The following REXO1 variants were observed in gnomAD, a reference collection of about 807,000 sequenced individuals.
The protein encoded by REXO1 is REX1, RNA exonuclease 1 homolog.
REXO1 carries 42 observed loss-of-function variants against 102.6 expected under a neutral mutation model. The observed-to-expected ratio is 0.41, with a 90% CI of 0.32 to 0.53. The LOEUF is 0.53. REXO1 is among the 20% of genes least tolerant of loss of function. REXO1 has a pLI of 0.27. For missense variants in REXO1, 1,819 were observed against 1,732.5 expected, an observed-to-expected ratio of 1.05 and a Z score of -0.89; for synonymous variants, 908 against 779.1, an observed-to-expected ratio of 1.17 and a Z score of -2.76.
At chr19:1,816,972 A>AC (rs1412066041) in intron 12 of REXO1, among the ~76,000 whole-genome samples, 159 bp from the exon 13 acceptor site, 4 of 151,840 alleles carry the variant, frequency 2.6e-5, no homozygotes, top group Admixed American at 2.6e-4. Context: ...GACCTCAGTA[A>AC]CCCCCTTTCG....
intron 1 of REXO1, among the ~76,000 whole-genome samples, chr19:1,847,170 C>T (rs2011580714): frequency 6.6e-6 from 1 of 152,218 alleles, no homozygotes; most frequent in Non-Finnish European, 1.5e-5. Context: ...ATCTGTCCAC[C>T]TGCAAACAAC....
chr19:1,839,312 G>C (rs1050649016), intron 1 of REXO1, among the ~76,000 whole-genome samples: 5 of 151,120 alleles, frequency 3.3e-5, no homozygotes, highest in Non-Finnish European at 7.4e-5. Context: ...GGCCTTTTCT[G>C]TCCCCAAAGG....
chr19:1,826,396 G>A lies in REXO1; in HGVS notation c.1912-453C>T, dbSNP rs1478711978. 6.6e-6 allele frequency among the ~76,000 whole-genome samples: 1 copy of A among 151,720 alleles called. No individual in the cohort carries two copies. The highest frequency in any genetic ancestry group is 2.4e-5 in the African/African-American group (1 of 41,258). On this transcript the variant is annotated intron_variant, in intron 2 of 15. Coordinates refer to ENST00000170168, the MANE Select transcript of REXO1 (RefSeq NM_020695.4). This position sits in a 1 kb window ranked among gnomAD's most constrained non-coding sequence, Gnocchi z 4.3. ...CCACGCTGGGAGTAGGGAGGAGGGA[G>A]GGGAGGAGAAAGGAGCCGGAGGGGA...
At chr19:1,844,233 AC>A (rs1253574799) in intron 1 of REXO1, among the ~76,000 whole-genome samples, 1 of 152,216 alleles carries the variant, frequency 6.6e-6, no homozygotes, top group Non-Finnish European at 1.5e-5. Flanking sequence ...CCACGCGTAC[AC>A]AGGTGAGCAG....
chr19:1,819,532 G>A (rs904447293), intron 7 of REXO1, among the ~76,000 whole-genome samples: 1 of 152,240 alleles, frequency 6.6e-6, no homozygotes, highest in Non-Finnish European at 1.5e-5. Flanking sequence ...GGGGACGGGG[G>A]CAGGGGCCGG....
intron 1 of REXO1, among the ~76,000 whole-genome samples, chr19:1,842,760 G>T (rs1319630914): frequency 6.6e-6 from 1 of 152,258 alleles, no homozygotes; most frequent in African/African-American, 2.4e-5. Flanking sequence ...GCGGCCTGGT[G>T]CCGGACTCGG....
At chr19:1,842,074 G>C (rs973006816) in intron 1 of REXO1, among the ~76,000 whole-genome samples, 12 of 152,156 alleles carry the variant, frequency 7.9e-5, no homozygotes, top group Non-Finnish European at 1.6e-4. Flanking sequence ...AGCCAGGCGT[G>C]GTAGCAGGTG....
Position 1,827,592 on chromosome 19 carries a change from G to C in REXO1, c.1197C>G (p.Thr399=). 1 of 1,589,614 alleles carries C rather than the reference G, an allele frequency of 6.3e-7. No individual in the cohort carries two copies. The highest frequency in any genetic ancestry group is 8.5e-7 in the Non-Finnish European group (1 of 1,175,374). ...CAGGCCGCCCTCGGCCCTTGTCCTTGGTCTTGTCCTTCCCCTGGGCCCCGT... is the reference window on the plus strand; with the variant it reads ...CAGGCCGCCCTCGGCCCTTGTCCTTCGTCTTGTCCTTCCCCTGGGCCCCGT... ...CKDGAQGKDK[T]KDKGRGRPVE... Residue 399 remains threonine (T), a synonymous_variant, in exon 2 of 16, where the codon ACC becomes ACG. Transcript: ENST00000170168.
chr19:1,840,383 G>A (rs2011226142), intron 1 of REXO1, among the ~76,000 whole-genome samples: 1 of 152,166 alleles, frequency 6.6e-6, no homozygotes, highest in South Asian at 2.1e-4. Context: ...CCAGAAAGCT[G>A]AGAATCGCAG....
At position 1,825,821 on chromosome 19, in the gene REXO1, G is replaced by A. The variant is rs377331676; in HGVS notation, c.2016+18C>T. On this transcript the variant is annotated intron_variant, in intron 3 of 15. Coordinates refer to ENST00000170168, the MANE Select transcript of REXO1 (RefSeq NM_020695.4). ...AAAAAAAAAAGGCTCCTGCTGGCCT[G>A]GCCTCTGCGGACCTTACCTCCTGGC... 5 of 1,491,946 alleles carry A rather than the reference G, an allele frequency of 3.4e-6. No homozygotes were observed. The highest frequency in any genetic ancestry group is 4.7e-6 in the Non-Finnish European group (5 of 1,072,148). 92.4% of individuals were successfully genotyped at this position (1,491,946 alleles called of 1,614,324 possible).
chr19:1,823,403 C>G (rs2069608216), intron 4 of REXO1, 169 bp downstream of exon 4: 2 of 428,318 alleles, frequency 4.7e-6, no homozygotes, highest in Non-Finnish European at 7.9e-6. Flanking sequence ...CACCCCTCAA[C>G]AGTCCCCATT....
intron 1 of REXO1, among the ~76,000 whole-genome samples, chr19:1,846,101 C>T (rs1568723456): frequency 6.6e-6 from 1 of 152,100 alleles, no homozygotes; most frequent in Non-Finnish European, 1.5e-5. Flanking sequence ...GGGAGGCCAG[C>T]GTTCCTGTCT....
Position 1,826,110 on chromosome 19 carries a change from C to T in REXO1, c.1912-167G>A, listed in dbSNP as rs552591637. ...TCCCTGGGCTTTGTGTGGGTGCAGT[C>T]GGAGGGGTGGGCAGGTGTCACACGT... On this transcript the variant is annotated intron_variant, in intron 2 of 15. Transcript: ENST00000170168. This position sits in a 1 kb window ranked among gnomAD's most constrained non-coding sequence, Gnocchi z 4.3. Among the ~76,000 whole-genome samples, 14 of 152,216 alleles carry T rather than the reference C, an allele frequency of 9.2e-5. No individual in the cohort carries two copies. The highest frequency in any genetic ancestry group is 2.4e-4 in the African/African-American group (10 of 41,520).
intron 1 of REXO1, among the ~76,000 whole-genome samples, chr19:1,842,602 C>A (rs2011337397): frequency 1.3e-5 from 2 of 152,248 alleles, no homozygotes; most frequent in Non-Finnish European, 2.9e-5. Flanking sequence ...CCCAGGCGCT[C>A]CGGAAGTCAG....
At chr19:1,818,187 C>T (rs371978417) in intron 10 of REXO1, among the ~76,000 whole-genome samples, 27 of 152,212 alleles carry the variant, frequency 1.8e-4, no homozygotes, top group Non-Finnish European at 8.8e-5. Flanking sequence ...GGGCCAGCAA[C>T]CTCCACATTT....
rs774142762 is a variant in REXO1 at position 1,823,733 on chromosome 19, G to A, written c.2069C>T (p.Ala690Val). The change falls in exon 4 of 16, where the codon GCG (alanine) becomes GTG (valine). Residue 690 changes from alanine to valine, a missense_variant. Transcript: ENST00000170168. The part of the protein sequence containing the change: ...PAVPPARPPT[A>V]QEVCYLRAQQ... ...GGCCCGCAGGTAGCACACCTCCTGC[G>A]CCGTCGGGGGCCGGGCCGGGGGCAC... The A allele has an allele frequency of 9.0e-5, 114 of 1,263,382 alleles. No individual in the cohort carries two copies. Among genetic ancestry groups the A allele is most frequent in the Non-Finnish European group, 1.0e-4 (103 of 997,932 alleles). 78.3% of individuals were successfully genotyped at this position (1,263,382 alleles called of 1,614,324 possible). A position where few individuals can be genotyped will look rare whatever the true frequency, so the allele number is the denominator to read the frequency against.
intron 3 of REXO1, 50 bp downstream of exon 3, chr19:1,825,786 TTAA>T: frequency 6.2e-6 from 7 of 1,137,532 alleles, no homozygotes; most frequent in Admixed American, 2.2e-5. Context: ...AACCTCGTCT[TTAA>T]AAAAAAAAAA....
At chr19:1,824,017 G>A (rs981195965) in intron 3 of REXO1, 3 of 392,340 alleles carry the variant, frequency 7.6e-6, no homozygotes, top group Non-Finnish European at 1.3e-5. Context: ...CCCAGGCTAT[G>A]TCCTCAGCCC....
In REXO1 at chr19:1,818,746, G is replaced by T; in HGVS notation, c.2862C>A (p.Gly954=). Reference sequence around the variant, plus strand: ...TCTCCTCAGCTGTGAAGATGATTGCGCCCCCGGGCCGCTCTGGGTGCGGGA... The same window carrying T: ...TCTCCTCAGCTGTGAAGATGATTGCTCCCCCGGGCCGCTCTGGGTGCGGGA... ...YPFPHPERPG[G]AIIFTAEEKR... The change falls in exon 9 of 16, where the codon GGC becomes GGA. Residue 954 remains glycine (G), a synonymous_variant. Coordinates refer to ENST00000170168, the MANE Select transcript of REXO1 (RefSeq NM_020695.4). 6.2e-7 allele frequency: 1 copy of T among 1,610,792 alleles called. No individual in the cohort carries two copies.
Sources: allele counts gnomAD v4.1 joint callset (sites outside exome capture counted in the v4.1 genomes callset), GRCh38; gene constraint gnomAD v4.1.1; non-coding constraint Gnocchi (gnomAD v3.1); transcripts MANE v1.5; gene names NCBI Gene and HGNC (gene_info 2026-07-23, HGNC 2026-07-21).